Variants in CDH20 observed in about 807,000 individuals in gnomAD.
The protein encoded by CDH20 is cadherin 20.
Under a neutral mutation model 74.2 loss-of-function variants are expected in CDH20, and 29 were observed. The ratio of observed to expected loss-of-function variants is 0.39; its 90% confidence interval spans 0.29 to 0.53. The LOEUF is 0.53. CDH20 is among the 20% of genes least tolerant of loss of function. CDH20 has a pLI of 0.69. For missense variants in CDH20, 988 were observed against 1,048.3 expected (o/e 0.94, Z 0.79); for synonymous variants, 469 against 405.4 (o/e 1.16, Z -1.88).
chr18:61,552,400 TA>T (rs1004243953), intron 11 of CDH20, among the ~76,000 whole-genome samples: 197 of 145,504 alleles, frequency 1.4e-3, no homozygotes, highest in South Asian at 2.0e-3. Context: ...TAGATTACCT[TA>T]AAAAAAAAAA....
At chr18:61,458,703 A>T (rs1286647807) in intron 1 of CDH20, among the ~76,000 whole-genome samples, 1 of 152,250 alleles carries the variant, frequency 6.6e-6, no homozygotes, top group Admixed American at 6.5e-5. Flanking sequence ...GCACATAAGC[A>T]TCTGAAAGCA....
At position 61,552,265 on chromosome 18, in the gene CDH20, C is replaced by A. The variant is rs570981290; in HGVS notation, c.1901-1925C>A. Among the ~76,000 whole-genome samples the A allele has an allele frequency of 3.3e-5, 5 of 151,648 alleles. No homozygotes were observed. The South Asian group carries it at 1.0e-3, about 32-fold the overall frequency. On this transcript the variant is annotated intron_variant, in intron 11 of 11. Transcript: ENST00000262717. ...GTGCCTATAGTACACGAAGAATAAA[C>A]CATCCCTAGAACTAATTCTCTTCTG...
Position 61,554,744 on chromosome 18 carries a change from G to C in CDH20, c.*49G>C, listed in dbSNP as rs760286889. 1 of 1,485,652 alleles carries C rather than the reference G, an allele frequency of 6.7e-7. No homozygotes were observed. The highest frequency in any genetic ancestry group is 8.9e-7 in the Non-Finnish European group (1 of 1,117,818). 92.0% of individuals were successfully genotyped at this position (1,485,652 alleles called of 1,614,324 possible). On this transcript the variant is annotated 3_prime_UTR_variant, in exon 12 of 12. Transcript: ENST00000262717. ...GTCCAAATCCAGACGTTCTCCGCGG[G>C]TGCTTCGCGGACAAGGTGCAGCCAA... is the stretch of plus-strand genomic sequence containing the variant.
chr18:61,407,566 C>G (rs1912371369), intron 1 of CDH20, among the ~76,000 whole-genome samples: 1 of 152,116 alleles, frequency 6.6e-6, no homozygotes, highest in Non-Finnish European at 1.5e-5. Context: ...GCCATTTACC[C>G]TCAGAGAAAT....
At chr18:61,391,834 G>T (rs944107015) in intron 1 of CDH20, 1 of 151,860 alleles carries the variant, frequency 6.6e-6, no homozygotes. Context: ...AAAAGACAGA[G>T]ATTCACAATA....
At chr18:61,536,048 A>C (rs1912807577) in intron 7 of CDH20, among the ~76,000 whole-genome samples, 1 of 152,164 alleles carries the variant, frequency 6.6e-6, no homozygotes, top group African/African-American at 2.4e-5. Context: ...AGTTGATACA[A>C]ATTATAAGGA....
chr18:61,497,853 C>A (rs1911226094), intron 2 of CDH20, among the ~76,000 whole-genome samples: 1 of 152,158 alleles, frequency 6.6e-6, no homozygotes. Context: ...ATCAAATAAT[C>A]TCATGAACTT....
intron 6 of CDH20, among the ~76,000 whole-genome samples, chr18:61,515,266 G>A (rs1911952675): frequency 1.3e-5 from 2 of 152,138 alleles, no homozygotes; most frequent in Non-Finnish European, 2.9e-5. Flanking sequence ...CGATTTTCCA[G>A]GTGCTGTCCG....
chr18:61,449,668 G>T lies in CDH20; in HGVS notation c.-152-40734G>T, dbSNP rs558363881. 1.3e-4 allele frequency among the ~76,000 whole-genome samples: 19 copies of T among 151,910 alleles called. No individual in the cohort carries two copies. In the South Asian group the frequency reaches 3.7e-3, roughly 30 times the overall value. On this transcript the variant is annotated intron_variant, in intron 1 of 11. Transcript: ENST00000262717. ...TGTTTTAAGTTAATGGAATCATAAA[G>T]AATTAGGATGATCCAACAGAGATTT...
chr18:61,499,037 A>C (rs907292374), intron 2 of CDH20, 149 bp from the exon 3 acceptor site: 11 of 601,724 alleles, frequency 1.8e-5, no homozygotes, highest in African/African-American at 9.2e-5. Flanking sequence ...TGTCCAATGC[A>C]TACTAGTTCT....
intron 1 of CDH20, among the ~76,000 whole-genome samples, chr18:61,415,361 C>G (rs1413065227): frequency 6.6e-6 from 1 of 152,094 alleles, no homozygotes; most frequent in African/African-American, 2.4e-5. Context: ...ACACAGCACA[C>G]CTCACTGGGT....
chr18:61,479,467 C>T (rs1329234511), intron 1 of CDH20, among the ~76,000 whole-genome samples: 1 of 152,206 alleles, frequency 6.6e-6, no homozygotes, highest in Non-Finnish European at 1.5e-5. Context: ...CTCTCCCCTC[C>T]TTCGCCCTTC....
intron 1 of CDH20, among the ~76,000 whole-genome samples, chr18:61,349,775 A>G (rs1351144119): frequency 6.6e-6 from 1 of 151,480 alleles, no homozygotes; most frequent in Non-Finnish European, 1.5e-5. Flanking sequence ...AAAAAAAAAA[A>G]GAGAGAAGGG....
chr18:61,427,532 A>G (rs1448757187), intron 1 of CDH20, among the ~76,000 whole-genome samples: 2 of 152,242 alleles, frequency 1.3e-5, no homozygotes, highest in Non-Finnish European at 2.9e-5. Flanking sequence ...TGAGACTACC[A>G]AAAAGTCAGA....
chr18:61,483,053 C>G (rs1306453735), intron 1 of CDH20, among the ~76,000 whole-genome samples: 1 of 152,246 alleles, frequency 6.6e-6, no homozygotes, highest in South Asian at 2.1e-4. Flanking sequence ...CTGGGAATGC[C>G]CTTTTATTTT....
At chr18:61,482,949 G>T (rs1910637599) in intron 1 of CDH20, among the ~76,000 whole-genome samples, 1 of 152,112 alleles carries the variant, frequency 6.6e-6, no homozygotes, top group Non-Finnish European at 1.5e-5. Flanking sequence ...CTCCTAAAGT[G>T]ACCCTATTCT....
At chr18:61,424,668 A>G (rs1913007826) in intron 1 of CDH20, among the ~76,000 whole-genome samples, 1 of 152,220 alleles carries the variant, frequency 6.6e-6, no homozygotes, top group Non-Finnish European at 1.5e-5. Flanking sequence ...ATTTCTCAGA[A>G]TGCATATTCT....
intron 1 of CDH20, chr18:61,391,578 T>C (rs1911781985): frequency 6.6e-6 from 1 of 152,226 alleles, no homozygotes; most frequent in South Asian, 2.1e-4. Flanking sequence ...ATTTTTGAAA[T>C]GTAGAGACAG....
intron 1 of CDH20, among the ~76,000 whole-genome samples, chr18:61,391,317 A>T (rs939636196): frequency 1.3e-5 from 2 of 152,204 alleles, no homozygotes; most frequent in African/African-American, 4.8e-5. Flanking sequence ...ACAATACACT[A>T]GGGTTTGAAA....
Sources: allele counts gnomAD v4.1 joint callset (sites outside exome capture counted in the v4.1 genomes callset), GRCh38; gene constraint gnomAD v4.1.1; transcripts MANE v1.5; gene names NCBI Gene and HGNC (gene_info 2026-07-23, HGNC 2026-07-21).